COG3: variants seen among roughly 807,000 people sequenced by gnomAD.
COG3 encodes the protein component of oligomeric golgi complex 3.
In COG3, 32 loss-of-function variants were observed where a neutral mutation model predicts 114.1. That is an observed-to-expected ratio of 0.28 (90% CI 0.21 to 0.38). The LOEUF is 0.38. COG3 is among the 10% of genes least tolerant of loss of function. COG3 has a pLI of 1.00. For missense variants in COG3, 813 were observed against 973.2 expected (o/e 0.84, Z 2.19); for synonymous variants, 352 against 365.7 (o/e 0.96, Z 0.43).
In COG3 at chr13:45,534,955, G is replaced by T; in HGVS notation, c.*224G>T. ...TGCCAAAGATTAATCTGTGATTGGT[G>T]ATAACTGCCTCGTTTAAATGGTCAC... is the stretch of plus-strand genomic sequence containing the variant. On this transcript the variant is annotated 3_prime_UTR_variant, in exon 23 of 23. Coordinates refer to ENST00000349995, the MANE Select transcript of COG3 (RefSeq NM_031431.4). 3 of 1,245,374 alleles carry T rather than the reference G, an allele frequency of 2.4e-6. No homozygotes were observed. The highest frequency in any genetic ancestry group is 2.0e-6 in the Non-Finnish European group (2 of 996,292). 77.1% of individuals were successfully genotyped at this position (1,245,374 alleles called of 1,614,324 possible). A position where few individuals can be genotyped will look rare whatever the true frequency, so the allele number is the denominator to read the frequency against.
chr13:45,512,726 GA>G (rs1871005430), intron 16 of COG3, among the ~76,000 whole-genome samples: 1 of 151,914 alleles, frequency 6.6e-6, no homozygotes, highest in Non-Finnish European at 1.5e-5. Context: ...CTCCTGAGGT[GA>G]AGCAATTCTC....
In COG3 at chr13:45,496,315, A is replaced by G. The variant is rs758932143; in HGVS notation, c.1488+3A>G. On this transcript the variant is annotated splice_donor_region_variant and intron_variant, in intron 13 of 22. Transcript: ENST00000349995. ...CCGATAAGTTAGTCATGATGGAGGT[A>G]GGATCTCCTTACTTGATCTCCCGTC... 11 of 1,571,954 alleles carry G rather than the reference A, an allele frequency of 7.0e-6. No individual in the cohort carries two copies. The highest frequency in any genetic ancestry group is 1.7e-5 in the Admixed American group (1 of 57,532).
At chr13:45,500,644 C>T (rs1869427254) in intron 13 of COG3, among the ~76,000 whole-genome samples, 2 of 152,076 alleles carry the variant, frequency 1.3e-5, no homozygotes, top group Admixed American at 6.5e-5. Flanking sequence ...CTCCTATTAC[C>T]AAGATCTTCT....
chr13:45,487,018 G>A (rs1593695222), intron 8 of COG3, among the ~76,000 whole-genome samples: 1 of 152,104 alleles, frequency 6.6e-6, no homozygotes, highest in South Asian at 2.1e-4. Flanking sequence ...CCAATGAAGT[G>A]GTATCTTAAA....
chr13:45,516,380 A>C, intron 17 of COG3, 117 bp downstream of exon 17: 1 of 868,724 alleles, frequency 1.2e-6, no homozygotes, highest in Non-Finnish European at 1.6e-6. Context: ...TTGCTTGCTA[A>C]ATATGTTATT....
intron 1 of COG3, among the ~76,000 whole-genome samples, chr13:45,473,364 A>G (rs2985987): frequency 0.9 from 136,147 of 152,058 alleles, 61,068 homozygotes; most frequent in African/African-American, 0.92. Context: ...TTGTGAGGGT[A>G]CAAGCAACAT....
Position 45,525,087 on chromosome 13 carries a change from G to A in COG3, c.2230+36G>A, listed in dbSNP as rs761694601. 7.6e-6 allele frequency: 12 copies of A among 1,577,210 alleles called. No homozygotes were observed. The African/African-American group carries it at 1.6e-4, about 21-fold the overall frequency. The stretch of plus-strand genomic sequence containing the variant: ...TTGACCATTTTGGATTTCTTTTTTA[G>A]GATGTTATTAGTTTGCATTTATATA... On this transcript the variant is annotated intron_variant, in intron 20 of 22. Coordinates refer to ENST00000349995, the MANE Select transcript of COG3 (RefSeq NM_031431.4).
At chr13:45,513,374 CATATA>C (rs1444509294) in intron 16 of COG3, among the ~76,000 whole-genome samples, 2 of 116,124 alleles carry the variant, frequency 1.7e-5, no homozygotes, top group African/African-American at 7.6e-5. Flanking sequence ...ATAAATTATA[CATATA>C]ATATATACAT....
chr13:45,483,116 C>G, intron 6 of COG3, 114 bp from the exon 7 acceptor site: 1 of 637,310 alleles, frequency 1.6e-6, no homozygotes, highest in Non-Finnish European at 2.6e-6. Flanking sequence ...CTTTATGAAA[C>G]CTGTTTTTGA....
chr13:45,509,754 A>C lies in COG3; in HGVS notation c.1657A>C (p.Met553Leu). The stretch of plus-strand genomic sequence containing the variant: ...AATTTCTCCAGCAGATCTTCATGGA[A>C]TGTGGTATCCTACGGTTCGAAGAAC... Reference protein sequence around the residue: ...TTISPADLHGMWYPTVRRTLV... With the variant: ...TTISPADLHGLWYPTVRRTLV... Residue 553 changes from methionine to leucine, a missense_variant, in exon 15 of 23, where the codon ATG (methionine) becomes CTG (leucine). By Grantham distance (15) the Met-to-Leu change is conservative (BLOSUM62 2). Coordinates refer to ENST00000349995, the MANE Select transcript of COG3 (RefSeq NM_031431.4). The C allele has an allele frequency of 6.2e-7, 1 of 1,613,994 alleles. No homozygotes were observed. Among genetic ancestry groups the C allele is most frequent in the Non-Finnish European group, 8.5e-7 (1 of 1,179,842 alleles).
chr13:45,465,123 G>A lies in COG3; in HGVS notation c.87G>A (p.Pro29=), dbSNP rs1446653084. 3 of 1,613,338 alleles carry A rather than the reference G, an allele frequency of 1.9e-6. No homozygotes were observed. Among genetic ancestry groups the A allele is most frequent in the Non-Finnish European group, 2.5e-6 (3 of 1,179,856 alleles). Residue 29 remains proline (P), a synonymous_variant, in exon 1 of 23, where the codon CCG becomes CCA. Coordinates refer to ENST00000349995, the MANE Select transcript of COG3 (RefSeq NM_031431.4). ...AGCTGGCTCTCTGGGATCGGAGACC[G>A]GACACGACGGCGCCGCTGACCGACA... ...REKLALWDRR[P]DTTAPLTDRQ...
intron 17 of COG3, among the ~76,000 whole-genome samples, chr13:45,517,385 T>C (rs1998788): frequency 0.76 from 115,374 of 152,144 alleles, 44,436 homozygotes; most frequent in Admixed American, 0.84. Flanking sequence ...ATGATGATTC[T>C]TCTTAAAACA....
intron 8 of COG3, among the ~76,000 whole-genome samples, chr13:45,490,494 A>G (rs1356644291): frequency 1.3e-5 from 2 of 152,188 alleles, no homozygotes; most frequent in African/African-American, 2.4e-5. Context: ...ATGGGATATT[A>G]TGTAGCCTTT....
In COG3 at chr13:45,535,063, A is replaced by G. The variant is rs1873460785; in HGVS notation, c.*332A>G. 1.8e-6 allele frequency: 2 copies of G among 1,082,212 alleles called. No homozygotes were observed. The highest frequency in any genetic ancestry group is 8.8e-5 in the South Asian group (2 of 22,808). The allele number at this position is 1,082,212 out of a possible 1,614,324, so 67.0% of individuals were successfully genotyped here. ...ATGTGCAATAAAAATAGATTACAAT[A>G]AGTAGTGCAAAGAACTTTACAGAAA... On this transcript the variant is annotated 3_prime_UTR_variant, in exon 23 of 23. Coordinates refer to ENST00000349995, the MANE Select transcript of COG3 (RefSeq NM_031431.4).
chr13:45,501,026 G>T (rs183682639), intron 13 of COG3, among the ~76,000 whole-genome samples: 1 of 152,306 alleles, frequency 6.6e-6, no homozygotes, highest in Admixed American at 6.5e-5. Context: ...AAATGCCATT[G>T]TTATTACATC....
chr13:45,482,442 T>C lies in COG3; in HGVS notation c.686T>C (p.Leu229Ser). The C allele has an allele frequency of 6.4e-7, 1 of 1,560,274 alleles. No individual in the cohort carries two copies. The highest frequency in any genetic ancestry group is 8.8e-7 in the Non-Finnish European group (1 of 1,135,108). Residue 229 changes from leucine (L) to serine (S), a missense_variant, in exon 6 of 23, where the codon TTA (leucine) becomes TCA (serine). By Grantham distance (145) the Leu-to-Ser change is moderately radical (BLOSUM62 -2). Transcript: ENST00000349995. ...GGATTTATACCTATGCTGGCCAAGT[T>C]AGATGATTGTATAACATATATCTCA... ...SDGFIPMLAK[L>S]DDCITYISSH...
chr13:45,505,148 C>T (rs374230140), intron 14 of COG3, among the ~76,000 whole-genome samples: 60 of 150,926 alleles, frequency 4.0e-4, no homozygotes, highest in African/African-American at 1.4e-3. Context: ...GATTGTGCCA[C>T]TGTACTCCAG....
chr13:45,506,781 C>T (rs540291191), intron 14 of COG3, among the ~76,000 whole-genome samples: 1 of 152,296 alleles, frequency 6.6e-6, no homozygotes, highest in African/African-American at 2.4e-5. Flanking sequence ...TGGTTCCCAC[C>T]TCTAAAGCTG....
intron 1 of COG3, among the ~76,000 whole-genome samples, chr13:45,475,497 C>T (rs1041133981): frequency 1.3e-5 from 2 of 152,116 alleles, no homozygotes; most frequent in African/African-American, 4.8e-5. Context: ...AGCCACTGAA[C>T]CCGGTCATTG....
Sources: gnomAD v4.1 joint callset for allele counts (sites outside exome capture counted in the v4.1 genomes callset) on GRCh38, gnomAD v4.1.1 for gene constraint, MANE v1.5 for transcripts, NCBI Gene and HGNC (gene_info 2026-07-23, HGNC 2026-07-21) for gene names.